OR6J1: variants seen among roughly 807,000 people sequenced by gnomAD.
OR6J1 encodes the protein olfactory receptor family 6 subfamily J member 1.
For missense variants in OR6J1, 304 were observed against 166.8 expected (o/e 1.82, Z -4.53); for synonymous variants, 109 against 70.0 (o/e 1.56, Z -2.78).
In OR6J1 at chr14:22,635,415, A is replaced by G. The variant is rs145470530; in HGVS notation, c.-27-577T>C. On this transcript the variant is annotated intron_variant, in intron 1 of 1. Transcript: ENST00000540461. ...TATTTTAAGCATTATTTAAGTATTT[A>G]TTATTATTAGGTTTTAAAAGTGTTT... Among the ~76,000 whole-genome samples, 593 of 152,316 alleles carry G rather than the reference A, an allele frequency of 3.9e-3. 5 individuals carry two copies. The highest frequency in any genetic ancestry group is 0.013 in the African/African-American group (559 of 41,568).
At chr14:22,639,786 G>A (rs1358817507) in intron 1 of OR6J1, among the ~76,000 whole-genome samples, 2 of 119,826 alleles carry the variant, frequency 1.7e-5, no homozygotes, top group African/African-American at 8.1e-5. Flanking sequence ...CTTGAAGGCA[G>A]CATGCTCCTT....
chr14:22,643,438 G>A (rs2037665647), intron 1 of OR6J1, among the ~76,000 whole-genome samples: 1 of 151,438 alleles, frequency 6.6e-6, no homozygotes, highest in South Asian at 2.1e-4. Context: ...TGGGACTACA[G>A]GCACACACCA....
chr14:22,642,104 C>T (rs1158686147), intron 1 of OR6J1, among the ~76,000 whole-genome samples: 3 of 151,984 alleles, frequency 2.0e-5, no homozygotes, highest in Admixed American at 6.5e-5. Flanking sequence ...CCTGTCCTCA[C>T]GACCTGCCCT....
intron 1 of OR6J1, among the ~76,000 whole-genome samples, chr14:22,637,700 C>A (rs1468974887): frequency 6.3e-5 from 5 of 79,420 alleles, no homozygotes; most frequent in African/African-American, 2.2e-4. Flanking sequence ...GTCAGCCCCC[C>A]GCCCGACCAG....
chr14:22,641,472 AAAGAAAGGAAGG>A (rs1555311048), intron 1 of OR6J1, among the ~76,000 whole-genome samples: 16,561 of 55,188 alleles, frequency 0.3, 3,565 homozygotes, highest in African/African-American at 0.47. Flanking sequence ...AAAGAAAAAG[AAAGAAAGGAAGG>A]AAGGAAGGAG....
intron 1 of OR6J1, among the ~76,000 whole-genome samples, chr14:22,641,313 G>A (rs138190364): frequency 0.55 from 66,481 of 121,258 alleles, 21,286 homozygotes; most frequent in East Asian, 0.67. Context: ...AGAGGAAAGA[G>A]AGAGAGAGGA....
intron 1 of OR6J1, 64 bp downstream of exon 1, chr14:22,644,034 G>A (rs893245538): frequency 9.9e-5 from 15 of 152,284 alleles, no homozygotes; most frequent in African/African-American, 3.6e-4. Flanking sequence ...ACACACCTGA[G>A]ATTATAACAG....
At chr14:22,640,738 C>T (rs2037639269) in intron 1 of OR6J1, among the ~76,000 whole-genome samples, 1 of 151,414 alleles carries the variant, frequency 6.6e-6, no homozygotes. Context: ...CCAGGCTGGT[C>T]TCAAACTCCT....
rs949159709 is a variant in OR6J1 at position 22,642,485 on chromosome 14, G to A, written c.-28+1613C>T. Among the ~76,000 whole-genome samples, 105 of 151,456 alleles carry A rather than the reference G, an allele frequency of 6.9e-4. 1 individual carries two copies. The highest frequency in any genetic ancestry group is 2.4e-3 in the African/African-American group (99 of 41,212). ...TCCTGAGTAAGCTGGGATTACAGGC[G>A]TGTGCCACCATGCCCAGCTAATTTT... On this transcript the variant is annotated intron_variant, in intron 1 of 1. Transcript: ENST00000540461.
intron 1 of OR6J1, among the ~76,000 whole-genome samples, chr14:22,637,048 A>T (rs771337854): frequency 8.6e-6 from 1 of 116,340 alleles, no homozygotes; most frequent in African/African-American, 4.9e-5. Context: ...AGATGTGGGG[A>T]GCACCTCTGC....
rs1229096812 is a variant in OR6J1, at chr14:22,634,797, A to G, written c.15T>C (p.Thr5=). Residue 5 remains threonine (T), a synonymous_variant, in exon 2 of 2, where the codon ACT becomes ACC. Coordinates refer to ENST00000540461, the MANE Select transcript of OR6J1 (RefSeq NM_001348233.2). MGNW[T]AAVTEFVLLG... Reference sequence around the variant, plus strand: ...GCAGAACAAACTCAGTCACCGCTGCAGTCCAGTTACCCATGGGCCTGGTGG... The same window carrying G: ...GCAGAACAAACTCAGTCACCGCTGCGGTCCAGTTACCCATGGGCCTGGTGG... 1.4e-6 allele frequency: 1 copy of G among 692,452 alleles called. No individual in the cohort carries two copies. Among genetic ancestry groups the G allele is most frequent in the Non-Finnish European group, 2.6e-6 (1 of 379,594 alleles). 42.9% of individuals were successfully genotyped at this position (692,452 alleles called of 1,614,324 possible). A position where few individuals can be genotyped will look rare whatever the true frequency, so the allele number is the denominator to read the frequency against.
At chr14:22,637,766 C>T (rs2037603841) in intron 1 of OR6J1, among the ~76,000 whole-genome samples, 3 of 72,172 alleles carry the variant, frequency 4.2e-5, no homozygotes, top group East Asian at 3.5e-4. Flanking sequence ...CCAGCCGCCC[C>T]GTTCGGGAGG....
At chr14:22,641,449 GA>G (rs1429586998) in intron 1 of OR6J1, among the ~76,000 whole-genome samples, 1 of 64,014 alleles carries the variant, frequency 1.6e-5, no homozygotes. Context: ...GAAAGAGAGA[GA>G]AAGAAAGAAA....
At chr14:22,643,196 G>A (rs769584113) in intron 1 of OR6J1, among the ~76,000 whole-genome samples, 1 of 151,872 alleles carries the variant, frequency 6.6e-6, no homozygotes, top group Non-Finnish European at 1.5e-5. Context: ...TCGAACTCCT[G>A]ACTTCAAGTG....
intron 1 of OR6J1, among the ~76,000 whole-genome samples, chr14:22,638,058 G>A (rs1254525064): frequency 5.6e-5 from 6 of 106,986 alleles, no homozygotes; most frequent in South Asian, 2.7e-4. Context: ...CTGGCCAGCC[G>A]CCCCATCCGG....
chr14:22,641,266 A>AAAGAAAGGAAGG (rs1290848247), intron 1 of OR6J1, among the ~76,000 whole-genome samples: 7 of 122,786 alleles, frequency 5.7e-5, no homozygotes, highest in African/African-American at 1.6e-4. Context: ...AGAAAGAAAG[A>AAAGAAAGGAAGG]AAGGAAGGAA....
At chr14:22,639,485 G>A (rs1405992999) in intron 1 of OR6J1, among the ~76,000 whole-genome samples, 4 of 132,590 alleles carry the variant, frequency 3.0e-5, no homozygotes, top group East Asian at 2.1e-4. Context: ...TGGGAGGTGT[G>A]CCCAACAGCT....
Position 22,633,611 on chromosome 14 carries a change from G to A in OR6J1, c.*157C>T, listed in dbSNP as rs2037561793. ...CTGTTGCACTTCAGCTGAGAGTACT[G>A]AGAGTCAGAATGGCTGGTGACACAG... On this transcript the variant is annotated 3_prime_UTR_variant, in exon 2 of 2. Coordinates refer to ENST00000540461, the MANE Select transcript of OR6J1 (RefSeq NM_001348233.2). 4 of 592,928 alleles carry A rather than the reference G, an allele frequency of 6.7e-6. No individual in the cohort carries two copies. In the Admixed American group the frequency reaches 1.2e-4, roughly 18 times the overall value. 36.7% of individuals were successfully genotyped at this position (592,928 alleles called of 1,614,324 possible).
At chr14:22,637,264 C>T (rs2037596642) in intron 1 of OR6J1, among the ~76,000 whole-genome samples, 1 of 74,712 alleles carries the variant, frequency 1.3e-5, no homozygotes, top group Admixed American at 1.0e-4. Context: ...GGCAGCCACC[C>T]CGTCCGGGAG....
Sources: allele counts gnomAD v4.1 joint callset (sites outside exome capture counted in the v4.1 genomes callset), GRCh38; gene constraint gnomAD v4.1.1; transcripts MANE v1.5; gene names NCBI Gene and HGNC (gene_info 2026-07-23, HGNC 2026-07-21).